The following MDGA2 variants were observed in gnomAD, a reference collection of about 807,000 sequenced individuals.
The protein encoded by MDGA2 is MAM domain-containing glycosylphosphatidylinositol anchor protein 2.
Under a neutral mutation model 117.8 loss-of-function variants are expected in MDGA2, and 40 were observed. The observed-to-expected ratio is 0.34, with a 90% CI of 0.26 to 0.44. The LOEUF is 0.44. Ranked by LOEUF, MDGA2 falls within the 20% of genes least tolerant of loss-of-function variation. The pLI, the probability that MDGA2 is intolerant of heterozygous loss-of-function variation, is 1.00. For synonymous variants in MDGA2, 452 were observed against 439.0 expected, an observed-to-expected ratio of 1.03 and a Z score of -0.37; for missense variants, 1,123 against 1,250.6, an observed-to-expected ratio of 0.90 and a Z score of 1.54.
At chr14:47,504,986 T>C (rs1894481350) in intron 1 of MDGA2, among the ~76,000 whole-genome samples, 1 of 152,154 alleles carries the variant, frequency 6.6e-6, no homozygotes, top group Non-Finnish European at 1.5e-5. Context: ...AAATGTGCTG[T>C]ATACACAATG....
chr14:47,438,071 T>G lies in MDGA2; in HGVS notation c.281-136521A>C, dbSNP rs181097303. ...CCTCATTCTGAAGTACCTTTAGACT[T>G]AATTGTTATAATCCATTCTACATTA... On this transcript the variant is annotated intron_variant, in intron 1 of 16. Coordinates refer to ENST00000399232, the MANE Select transcript of MDGA2 (RefSeq NM_001113498.3). Among the ~76,000 whole-genome samples, 334 of 152,220 alleles carry G rather than the reference T, an allele frequency of 2.2e-3. 3 individuals are homozygous for G. The highest frequency in any genetic ancestry group is 7.7e-3 in the African/African-American group (322 of 41,558).
At chr14:46,907,018 C>T (rs1183902544) in intron 10 of MDGA2, among the ~76,000 whole-genome samples, 1 of 138,378 alleles carries the variant, frequency 7.2e-6, no homozygotes, top group Non-Finnish European at 1.5e-5. Flanking sequence ...GCTCTGACGC[C>T]CAGAGTGGAG....
At chr14:47,130,260 G>A (rs917451960) in intron 5 of MDGA2, among the ~76,000 whole-genome samples, 1 of 151,606 alleles carries the variant, frequency 6.6e-6, no homozygotes, top group Non-Finnish European at 1.5e-5. Flanking sequence ...ATCTTGAATT[G>A]ATTTTTGTAT....
chr14:47,345,696 T>G (rs567136776), intron 1 of MDGA2, among the ~76,000 whole-genome samples: 1 of 152,084 alleles, frequency 6.6e-6, no homozygotes, highest in Non-Finnish European at 1.5e-5. Flanking sequence ...AGACTGAAGA[T>G]GAATTACAAT....
At chr14:47,324,706 T>A (rs1339450946) in intron 1 of MDGA2, among the ~76,000 whole-genome samples, 1 of 152,208 alleles carries the variant, frequency 6.6e-6, no homozygotes, top group African/African-American at 2.4e-5. Context: ...TAGTATCAGT[T>A]GATTTATCTT....
chr14:46,891,333 A>C (rs1882876224), intron 10 of MDGA2, among the ~76,000 whole-genome samples: 1 of 151,694 alleles, frequency 6.6e-6, no homozygotes, highest in Non-Finnish European at 1.5e-5. Context: ...AATGATAAAA[A>C]TGAAGAGAAA....
At chr14:47,053,601 G>GTATATATATA (rs373802720) in intron 7 of MDGA2, among the ~76,000 whole-genome samples, 4 of 107,616 alleles carry the variant, frequency 3.7e-5, no homozygotes, top group Non-Finnish European at 7.3e-5. Flanking sequence ...GTGTGTATGT[G>GTATATATATA]TATATATATA....
intron 1 of MDGA2, among the ~76,000 whole-genome samples, chr14:47,492,429 T>C (rs1197423720): frequency 6.6e-6 from 1 of 152,066 alleles, no homozygotes; most frequent in Admixed American, 6.6e-5. Context: ...TCTCAATGAG[T>C]TTATAATGAG....
intron 1 of MDGA2, among the ~76,000 whole-genome samples, chr14:47,556,988 G>A (rs947758959): frequency 6.6e-6 from 1 of 152,166 alleles, no homozygotes; most frequent in South Asian, 2.1e-4. Flanking sequence ...AAAGACACAT[G>A]TATCCAGTGA....
intron 6 of MDGA2, among the ~76,000 whole-genome samples, chr14:47,075,941 C>G (rs550696923): frequency 6.6e-6 from 1 of 151,982 alleles, no homozygotes. Context: ...CTATTCTCCT[C>G]GAATTAAGCT....
At chr14:47,154,770 C>T (rs1594674635) in intron 3 of MDGA2, among the ~76,000 whole-genome samples, 1 of 152,190 alleles carries the variant, frequency 6.6e-6, no homozygotes, top group Non-Finnish European at 1.5e-5. Context: ...GGCCTGCAGG[C>T]ACTCCCTAGC....
chr14:47,584,608 G>C (rs1896289904), intron 1 of MDGA2, among the ~76,000 whole-genome samples: 1 of 151,608 alleles, frequency 6.6e-6, no homozygotes, highest in Admixed American at 6.6e-5. Context: ...CCTCCTGCCT[G>C]GATTATCACA....
intron 1 of MDGA2, among the ~76,000 whole-genome samples, chr14:47,547,933 C>A (rs959515051): frequency 2.6e-5 from 4 of 152,114 alleles, no homozygotes; most frequent in Non-Finnish European, 5.9e-5. Context: ...AATTTCCATG[C>A]AAAAACTTTG....
chr14:47,037,548 A>G (rs1043238507), intron 7 of MDGA2, among the ~76,000 whole-genome samples: 5 of 152,224 alleles, frequency 3.3e-5, no homozygotes, highest in African/African-American at 1.2e-4. Context: ...ACTGTTTCAA[A>G]TATGAAAGAG....
intron 5 of MDGA2, among the ~76,000 whole-genome samples, chr14:47,129,320 CTA>C (rs1196600094): frequency 6.6e-6 from 1 of 151,724 alleles, no homozygotes; most frequent in African/African-American, 2.4e-5. Flanking sequence ...CAATTCCCAC[CTA>C]TGAGTGAGAA....
chr14:47,062,267 A>G (rs1889911826), intron 6 of MDGA2, among the ~76,000 whole-genome samples: 1 of 151,988 alleles, frequency 6.6e-6, no homozygotes, highest in South Asian at 2.1e-4. Context: ...GACCAAAAGA[A>G]CCTCTCCACA....
At chr14:47,232,510 T>C (rs1167132842) in intron 2 of MDGA2, among the ~76,000 whole-genome samples, 2 of 152,104 alleles carry the variant, frequency 1.3e-5, no homozygotes, top group Admixed American at 6.6e-5. Flanking sequence ...AATTCTATTG[T>C]CTGCAATTGA....
At chr14:46,864,678 T>C (rs1203730010) in intron 14 of MDGA2, among the ~76,000 whole-genome samples, 5 of 149,836 alleles carry the variant, frequency 3.3e-5, no homozygotes, top group Non-Finnish European at 5.9e-5. Flanking sequence ...ATTTACAGCA[T>C]TGGCATTATC....
chr14:47,249,047 C>T lies in MDGA2; in HGVS notation c.421-30852G>A, dbSNP rs536809524. On this transcript the variant is annotated intron_variant, in intron 2 of 16. Transcript: ENST00000399232. The stretch of plus-strand genomic sequence containing the variant: ...TGTTGTTTTTTGTTTTTCATGGAGT[C>T]TCGCTCTGTCACCAGGCTGGAGGGC... Among the ~76,000 whole-genome samples the T allele has an allele frequency of 6.4e-5, 9 of 141,570 alleles. No individual in the cohort carries two copies. The South Asian group carries it at 6.7e-4, about 11-fold the overall frequency. 92.9% of individuals were successfully genotyped at this position (141,570 alleles called of 152,430 possible). A position where few individuals can be genotyped will look rare whatever the true frequency, so the allele number is the denominator to read the frequency against.
Sources: allele counts gnomAD v4.1 joint callset (sites outside exome capture counted in the v4.1 genomes callset), GRCh38; gene constraint gnomAD v4.1.1; transcripts MANE v1.5; gene names NCBI Gene and HGNC (gene_info 2026-07-23, HGNC 2026-07-21).